Variants in PPFIA2 observed in about 807,000 individuals in gnomAD.
PPFIA2 encodes the protein PPFI scaffold protein A2.
A neutral mutation model predicts 175.5 loss-of-function variants in PPFIA2; 46 were observed. The ratio of observed to expected loss-of-function variants is 0.26; its 90% CI spans 0.21 to 0.34. PPFIA2 has a LOEUF of 0.34. PPFIA2 is among the 10% of genes least tolerant of loss of function. The pLI is 1.00. For synonymous variants in PPFIA2, 568 were observed against 511.4 expected (o/e 1.11, Z -1.49); for missense variants, 1,179 against 1,506.1 (o/e 0.78, Z 3.60).
At chr12:81,484,206 T>G (rs1309102287) in intron 4 of PPFIA2, among the ~76,000 whole-genome samples, 1 of 151,660 alleles carries the variant, frequency 6.6e-6, no homozygotes, top group East Asian at 1.9e-4. Flanking sequence ...AGTCAAAAAC[T>G]CTTGAGGTGG....
chr12:81,477,855 T>C (rs1226856598), intron 4 of PPFIA2, among the ~76,000 whole-genome samples: 1 of 150,156 alleles, frequency 6.7e-6, no homozygotes, highest in South Asian at 2.1e-4. Flanking sequence ...AATATTGGCC[T>C]GAAATTTTTT....
chr12:81,292,140 G>T (rs2045208238), intron 24 of PPFIA2, among the ~76,000 whole-genome samples: 1 of 151,962 alleles, frequency 6.6e-6, no homozygotes, highest in South Asian at 2.1e-4. Context: ...TCTGGAAGTT[G>T]GGACTTCAAA....
chr12:81,684,465 T>C (rs1160786568), intron 3 of PPFIA2, among the ~76,000 whole-genome samples: 1 of 152,098 alleles, frequency 6.6e-6, no homozygotes, highest in Non-Finnish European at 1.5e-5. Context: ...CAGTGGAGAC[T>C]CAATAACTAC....
Position 81,445,730 on chromosome 12 carries a change from T to G in PPFIA2, c.406-10A>C. The stretch of plus-strand genomic sequence containing the variant: ...AATGCTCCAGTAATAGCTATTGGGT[T>G]TAACAGAAAATGCAATTATCTTATG... On this transcript the variant is annotated splice_polypyrimidine_tract_variant and intron_variant, in intron 5 of 32. Transcript: ENST00000549396. 1 of 1,607,884 alleles carries G rather than the reference T, an allele frequency of 6.2e-7. No individual in the cohort carries two copies. Among genetic ancestry groups the G allele is most frequent in the Non-Finnish European group, 8.5e-7 (1 of 1,177,468 alleles).
intron 28 of PPFIA2, among the ~76,000 whole-genome samples, chr12:81,276,366 A>ACCACAAATATAT: frequency 1.3e-5 from 2 of 152,274 alleles, no homozygotes; most frequent in Admixed American, 1.3e-4. Context: ...AGACTTCACC[A>ACCACAAATATAT]CCACAAATAT....
chr12:81,515,208 A>G (rs1262515866), intron 4 of PPFIA2, among the ~76,000 whole-genome samples: 1 of 151,952 alleles, frequency 6.6e-6, no homozygotes, highest in African/African-American at 2.4e-5. Flanking sequence ...TGAAGTAACT[A>G]ATGCTAATTC....
intron 19 of PPFIA2, among the ~76,000 whole-genome samples, chr12:81,343,067 T>C (rs1374204823): frequency 6.6e-6 from 1 of 152,036 alleles, no homozygotes; most frequent in Non-Finnish European, 1.5e-5. Flanking sequence ...AAATGTTGAA[T>C]AAATAGGCTG....
chr12:81,318,089 G>A (rs2052809598), intron 22 of PPFIA2, among the ~76,000 whole-genome samples: 1 of 151,508 alleles, frequency 6.6e-6, no homozygotes, highest in Non-Finnish European at 1.5e-5. Flanking sequence ...TTATCACAAG[G>A]CCATAAAGAA....
intron 22 of PPFIA2, among the ~76,000 whole-genome samples, chr12:81,323,543 T>C (rs961600780): frequency 6.6e-6 from 1 of 151,984 alleles, no homozygotes; most frequent in African/African-American, 2.4e-5. Flanking sequence ...CTCATTAAAG[T>C]GCACTGAAAG....
chr12:81,650,032 C>T (rs4569076), intron 4 of PPFIA2, among the ~76,000 whole-genome samples: 8,669 of 150,690 alleles, frequency 0.058, 362 homozygotes, highest in East Asian at 0.25. Flanking sequence ...TTTCCTGAGA[C>T]GGAGTCTTGC....
At chr12:81,694,200 A>G (rs1424233579) in intron 3 of PPFIA2, among the ~76,000 whole-genome samples, 1 of 152,176 alleles carries the variant, frequency 6.6e-6, no homozygotes, top group African/African-American at 2.4e-5. Context: ...AGAAATTTGC[A>G]TAACTAAAAG....
At chr12:81,485,421 G>C (rs1328364821) in intron 4 of PPFIA2, among the ~76,000 whole-genome samples, 8 of 151,446 alleles carry the variant, frequency 5.3e-5, no homozygotes, top group Non-Finnish European at 1.0e-4. Context: ...CTATAAGTTA[G>C]TTGCACCTGT....
At chr12:81,317,935 G>T (rs193023623) in intron 22 of PPFIA2, among the ~76,000 whole-genome samples, 87 of 151,714 alleles carry the variant, frequency 5.7e-4, no homozygotes, top group African/African-American at 2.0e-3. Context: ...ACATATGCCT[G>T]TCAGGTCAAT....
chr12:81,555,674 TAAG>T (rs140693861), intron 4 of PPFIA2, among the ~76,000 whole-genome samples: 6 of 152,014 alleles, frequency 3.9e-5, no homozygotes, highest in Non-Finnish European at 8.8e-5. Flanking sequence ...TTATAGAGGA[TAAG>T]AATAAAATTA....
intron 4 of PPFIA2, among the ~76,000 whole-genome samples, chr12:81,563,976 T>C (rs1331741007): frequency 6.6e-6 from 1 of 152,174 alleles, no homozygotes; most frequent in Non-Finnish European, 1.5e-5. Context: ...TTAATACATA[T>C]CATTGTGTCC....
chr12:81,373,343 C>T (rs957992978), intron 11 of PPFIA2, among the ~76,000 whole-genome samples: 2 of 151,848 alleles, frequency 1.3e-5, no homozygotes, highest in Admixed American at 1.3e-4. Flanking sequence ...CCTAATTATG[C>T]ATATCTTAGT....
intron 4 of PPFIA2, among the ~76,000 whole-genome samples, chr12:81,571,220 G>C (rs1292644344): frequency 6.6e-6 from 1 of 151,984 alleles, no homozygotes; most frequent in Non-Finnish European, 1.5e-5. Context: ...AATCAACTCT[G>C]ATTTTGAATT....
rs149483975 is a variant in PPFIA2 at position 81,343,098 on chromosome 12, T to C, written c.2262+1566A>G. Among the ~76,000 whole-genome samples the C allele has an allele frequency of 3.6e-3, 544 of 152,148 alleles. 8 individuals are homozygous for C. The highest frequency in any genetic ancestry group is 0.012 in the African/African-American group (516 of 41,550). On this transcript the variant is annotated intron_variant, in intron 19 of 32. Transcript: ENST00000549396. ...GGCTGATTACTTACCTGCTCTAATA[T>C]TACATTTCCTCATCAATAAAATGGA...
chr12:81,516,172 A>T (rs914066014), intron 4 of PPFIA2, among the ~76,000 whole-genome samples: 1 of 152,090 alleles, frequency 6.6e-6, no homozygotes, highest in African/African-American at 2.4e-5. Context: ...AGTTCAAATA[A>T]TGTCTTTATG....
Sources: allele counts gnomAD v4.1 joint callset (sites outside exome capture counted in the v4.1 genomes callset), GRCh38; gene constraint gnomAD v4.1.1; transcripts MANE v1.5; gene names NCBI Gene and HGNC (gene_info 2026-07-23, HGNC 2026-07-21).